Variants in PREP observed in about 807,000 individuals in gnomAD.
PREP encodes prolyl endopeptidase.
Under a neutral mutation model 87.6 loss-of-function variants are expected in PREP, and 29 were observed. That is an observed-to-expected ratio of 0.33 (90% CI 0.25 to 0.45). PREP has a LOEUF of 0.45. Ranked by LOEUF, PREP falls within the 20% of genes least tolerant of loss-of-function variation. The pLI, the probability that PREP is intolerant of heterozygous loss-of-function variation, is 1.00. For missense variants in PREP, 695 were observed against 886.5 expected, an observed-to-expected ratio of 0.78 and a Z score of 2.74; for synonymous variants, 337 against 328.6, an observed-to-expected ratio of 1.03 and a Z score of -0.28.
chr6:105,333,470 C>T lies in PREP; in HGVS notation c.859G>A (p.Glu287Lys). Reference sequence around the variant, plus strand: ...TTGGTCACGTAGTCATATTCCCCTTCAAAGTTGTCAATCAGTTTTACCCAC... The same window carrying T: ...TTGGTCACGTAGTCATATTCCCCTTTAAAGTTGTCAATCAGTTTTACCCAC... The part of the protein sequence containing the change: ...LKWVKLIDNF[E>K]GEYDYVTNEG... The change falls in exon 8 of 15, where the codon GAA becomes AAA. Residue 287 changes from glutamate (E) to lysine (K), a missense_variant. By Grantham distance (56) the Glu-to-Lys change is moderately conservative. This residue lies in a region of PREP where 517 missense variants were observed against 620.3 expected (regional missense o/e 0.83). Coordinates refer to ENST00000652536, the MANE Select transcript of PREP (RefSeq NM_002726.5). The T allele has an allele frequency of 6.2e-7, 1 of 1,614,178 alleles. No homozygotes were observed. The highest frequency in any genetic ancestry group is 8.5e-7 in the Non-Finnish European group (1 of 1,180,022).
At chr6:105,353,803 T>C (rs1583076292) in intron 6 of PREP, among the ~76,000 whole-genome samples, 1 of 142,778 alleles carries the variant, frequency 7.0e-6, no homozygotes, top group East Asian at 2.0e-4. Flanking sequence ...ATTAGCAAAA[T>C]GGGTATGGAC....
intron 7 of PREP, among the ~76,000 whole-genome samples, chr6:105,339,212 A>G (rs571912720): frequency 1.2e-4 from 19 of 152,282 alleles, no homozygotes; most frequent in Admixed American, 1.1e-3. Context: ...AGGCAGCAAC[A>G]TTCGCCATTC....
chr6:105,394,633 T>C (rs1354584344), intron 2 of PREP, among the ~76,000 whole-genome samples: 2 of 152,140 alleles, frequency 1.3e-5, no homozygotes, highest in Non-Finnish European at 2.9e-5. Flanking sequence ...AAAATAAATA[T>C]AAAATCGGTA....
Position 105,305,854 on chromosome 6 carries a change from T to TGG in PREP, c.1318-16962_1318-16961dup, listed in dbSNP as rs200779354. On this transcript the variant is annotated intron_variant, in intron 10 of 14. Transcript: ENST00000652536. ...CAGATATATCCTTTTCTTTTTTTTT[T>TGG]GGGGGGGACAGGTTCTGACTCTGTC... Among the ~76,000 whole-genome samples the TGG allele has an allele frequency of 4.4e-3, 662 of 150,902 alleles. 3 individuals are homozygous for TGG. The highest frequency in any genetic ancestry group is 0.016 in the African/African-American group (637 of 40,944).
intron 2 of PREP, among the ~76,000 whole-genome samples, chr6:105,384,255 C>T (rs979395319): frequency 2.6e-5 from 4 of 152,142 alleles, no homozygotes; most frequent in Non-Finnish European, 4.4e-5. Flanking sequence ...GGGAGCCAGC[C>T]TCTTCCAGTC....
At chr6:105,309,287 G>T (rs529153470) in intron 10 of PREP, among the ~76,000 whole-genome samples, 1 of 152,242 alleles carries the variant, frequency 6.6e-6, no homozygotes, top group African/African-American at 2.4e-5. Context: ...AGAACTGACT[G>T]CCCTGCCTGC....
intron 4 of PREP, among the ~76,000 whole-genome samples, chr6:105,375,130 T>C (rs1268310624): frequency 6.6e-6 from 1 of 152,162 alleles, no homozygotes; most frequent in Non-Finnish European, 1.5e-5. Context: ...TAAAGGATCA[T>C]TGTTTATATA....
chr6:105,328,817 A>G lies in PREP; in HGVS notation c.1213+12T>C. 4 of 1,613,466 alleles carry G rather than the reference A, an allele frequency of 2.5e-6. No individual in the cohort carries two copies. The highest frequency in any genetic ancestry group is 3.4e-6 in the Non-Finnish European group (4 of 1,179,406). On this transcript the variant is annotated intron_variant, in intron 9 of 14. Coordinates refer to ENST00000652536, the MANE Select transcript of PREP (RefSeq NM_002726.5). ...TTTTTAAAGTGAACAGCAACAGTGAAAAAACACTTACCTGGAGATAAAAAG... is the reference window on the plus strand; with the variant it reads ...TTTTTAAAGTGAACAGCAACAGTGAGAAAACACTTACCTGGAGATAAAAAG...
At chr6:105,364,499 G>A (rs72933878) in intron 6 of PREP, among the ~76,000 whole-genome samples, 6,165 of 152,240 alleles carry the variant, frequency 0.04, 195 homozygotes, top group Middle Eastern at 0.088. Flanking sequence ...AGCCGAAGGG[G>A]AGGTTGACGA....
intron 1 of PREP, among the ~76,000 whole-genome samples, chr6:105,400,031 T>A (rs1411833320): frequency 6.6e-6 from 1 of 152,148 alleles, no homozygotes; most frequent in East Asian, 1.9e-4. Context: ...AAGTTATTGA[T>A]CAGATATTTT....
intron 11 of PREP, among the ~76,000 whole-genome samples, chr6:105,286,121 G>A (rs542148204): frequency 5.3e-5 from 8 of 152,210 alleles, no homozygotes; most frequent in East Asian, 1.9e-4. Context: ...ATTTTTCTAC[G>A]TTGATAAATA....
chr6:105,378,269 G>A (rs2114714514), intron 2 of PREP, among the ~76,000 whole-genome samples: 1 of 152,324 alleles, frequency 6.6e-6, no homozygotes, highest in South Asian at 2.1e-4. Flanking sequence ...GACCACCCTG[G>A]CCAGCATGGC....
intron 14 of PREP, chr6:105,281,089 G>A (rs1249291174): frequency 6.6e-6 from 1 of 152,194 alleles, no homozygotes; most frequent in Non-Finnish European, 1.5e-5. Context: ...TCTCTGCTCT[G>A]GGTCTTCCAA....
chr6:105,402,420 A>T (rs1468529906), intron 1 of PREP, among the ~76,000 whole-genome samples: 9 of 130,114 alleles, frequency 6.9e-5, no homozygotes, highest in Non-Finnish European at 9.7e-5. Flanking sequence ...ATGTGACATC[A>T]CACACACACA....
At chr6:105,331,117 C>G (rs1771319962) in intron 8 of PREP, among the ~76,000 whole-genome samples, 1 of 152,200 alleles carries the variant, frequency 6.6e-6, no homozygotes, top group Non-Finnish European at 1.5e-5. Flanking sequence ...AAAGCTCTGA[C>G]TTTACCGCTG....
At chr6:105,371,838 AATT>A (rs1772565642) in intron 5 of PREP, among the ~76,000 whole-genome samples, 2 of 152,188 alleles carry the variant, frequency 1.3e-5, no homozygotes, top group South Asian at 4.1e-4. Flanking sequence ...CACAATTACT[AATT>A]ATTATTATTT....
At chr6:105,384,516 G>C (rs1772932651) in intron 2 of PREP, among the ~76,000 whole-genome samples, 1 of 152,314 alleles carries the variant, frequency 6.6e-6, no homozygotes, top group East Asian at 1.9e-4. Flanking sequence ...ATCTGTCATA[G>C]ATAATGTGAC....
intron 5 of PREP, among the ~76,000 whole-genome samples, chr6:105,372,044 T>C (rs968613202): frequency 6.6e-6 from 1 of 152,164 alleles, no homozygotes; most frequent in Non-Finnish European, 1.5e-5. Flanking sequence ...ACATCTTTCT[T>C]TAGCCAACAT....
rs75490449 is a variant in PREP, at chr6:105,384,802, C to T, written c.121-7283G>A. On this transcript the variant is annotated intron_variant, in intron 2 of 14. Transcript: ENST00000652536. ...AAGAGACAAGACCCATCTTTCTCTG[C>T]CACACAGGAGTGGCTGCTGGAAAAA... Among the ~76,000 whole-genome samples, 802 of 152,290 alleles carry T rather than the reference C, an allele frequency of 5.3e-3. 27 individuals carry two copies. The highest frequency in any genetic ancestry group is 0.04 in the Admixed American group (617 of 15,302).
Sources: gnomAD v4.1 joint callset for allele counts (sites outside exome capture counted in the v4.1 genomes callset) on GRCh38, gnomAD v4.1.1 for gene constraint, gnomAD v4.1.1 regional missense constraint, MANE v1.5 for transcripts, NCBI Gene and HGNC (gene_info 2026-07-23, HGNC 2026-07-21) for gene names.